The following NHEJ1 variants were observed in gnomAD, a reference collection of about 807,000 sequenced individuals.
NHEJ1 encodes non-homologous end joining factor 1.
In NHEJ1, 22 loss-of-function variants were observed where a neutral mutation model predicts 39.4. The ratio of observed to expected loss-of-function variants is 0.56; its 90% confidence interval spans 0.40 to 0.80. The LOEUF (loss-of-function observed/expected upper bound fraction) is 0.80. NHEJ1 is among the 30% of genes least tolerant of loss of function. The probability of loss-of-function intolerance (pLI) is 0.00; values close to 1 mark genes in which losing one functional copy is unlikely to be tolerated. For missense variants in NHEJ1, 329 were observed against 357.1 expected (o/e 0.92, Z 0.63); for synonymous variants, 154 against 135.6 (o/e 1.14, Z -0.94).
At chr2:219,080,518 C>T (rs1949052473) in intron 5 of NHEJ1, among the ~76,000 whole-genome samples, 1 of 147,488 alleles carries the variant, frequency 6.8e-6, no homozygotes, top group Non-Finnish European at 1.5e-5. Flanking sequence ...GAGCAAGACT[C>T]TGTCTTAAAA....
intron 5 of NHEJ1, among the ~76,000 whole-genome samples, chr2:219,082,875 C>T (rs906168903): frequency 6.6e-6 from 1 of 152,214 alleles, no homozygotes. Flanking sequence ...GAGCCCAGGT[C>T]TCCATTCAAA....
chr2:219,143,499 G>T (rs1327213446), intron 5 of NHEJ1, among the ~76,000 whole-genome samples: 1 of 152,164 alleles, frequency 6.6e-6, no homozygotes, highest in East Asian at 1.9e-4. Flanking sequence ...TAGACTATGT[G>T]TCAAGAAATG....
At chr2:219,103,225 T>C (rs890884911) in intron 5 of NHEJ1, among the ~76,000 whole-genome samples, 6 of 151,718 alleles carry the variant, frequency 4.0e-5, no homozygotes, top group Non-Finnish European at 7.4e-5. Flanking sequence ...TGCATAAACA[T>C]TGAACCAAGA....
At chr2:219,146,127 G>A (rs1218615990) in intron 5 of NHEJ1, among the ~76,000 whole-genome samples, 1 of 152,080 alleles carries the variant, frequency 6.6e-6, no homozygotes, top group East Asian at 1.9e-4. Context: ...ATCCTTAGAA[G>A]GGAAACCTAG....
intron 5 of NHEJ1, among the ~76,000 whole-genome samples, chr2:219,115,930 G>A (rs781651708): frequency 1.8e-4 from 27 of 152,144 alleles, no homozygotes; most frequent in Admixed American, 1.2e-3. Flanking sequence ...GACCATGCTG[G>A]CCAACATGGT....
chr2:219,135,219 G>T (rs532405506), intron 5 of NHEJ1, among the ~76,000 whole-genome samples: 1 of 152,304 alleles, frequency 6.6e-6, no homozygotes, highest in Admixed American at 6.5e-5. Flanking sequence ...AGGGGAAAGA[G>T]GAGGGAGACT....
intron 5 of NHEJ1, among the ~76,000 whole-genome samples, chr2:219,118,006 C>G (rs1221687058): frequency 1.3e-5 from 2 of 152,154 alleles, no homozygotes; most frequent in Non-Finnish European, 2.9e-5. Context: ...AATAGGTTTC[C>G]CCTTTATTCT....
At chr2:219,148,808 ATTG>A (rs776582866) in intron 3 of NHEJ1, among the ~76,000 whole-genome samples, 17 of 152,040 alleles carry the variant, frequency 1.1e-4, no homozygotes, top group Non-Finnish European at 2.2e-4. Context: ...GTCTAAGGTT[ATTG>A]TTATAATAGA....
At chr2:219,153,215 G>C (rs890330839) in intron 3 of NHEJ1, among the ~76,000 whole-genome samples, 1 of 152,078 alleles carries the variant, frequency 6.6e-6, no homozygotes, top group African/African-American at 2.4e-5. Flanking sequence ...TAATCCTTAC[G>C]ACTAGACAGT....
chr2:219,132,508 G>C (rs759761665), intron 5 of NHEJ1, among the ~76,000 whole-genome samples: 2 of 152,150 alleles, frequency 1.3e-5, no homozygotes, highest in Non-Finnish European at 2.9e-5. Context: ...AATTAGAAGG[G>C]GTTCTCTGGA....
At chr2:219,139,128 C>G (rs956003213) in intron 5 of NHEJ1, among the ~76,000 whole-genome samples, 3 of 151,986 alleles carry the variant, frequency 2.0e-5, no homozygotes, top group East Asian at 3.9e-4. Flanking sequence ...CATTCTGTTG[C>G]CCAGGCTGGA....
At chr2:219,077,119 C>T in intron 7 of NHEJ1, 127 bp downstream of exon 7, 1 of 750,498 alleles carries the variant, frequency 1.3e-6, no homozygotes, top group Non-Finnish European at 2.4e-6. Context: ...AATTTGGAGC[C>T]TGGTCACAAA....
At chr2:219,154,779 T>A (rs1949834206) in intron 3 of NHEJ1, among the ~76,000 whole-genome samples, 1 of 151,242 alleles carries the variant, frequency 6.6e-6, no homozygotes, top group South Asian at 2.1e-4. Flanking sequence ...CACTGTTGTC[T>A]CTTTCCTTTA....
intron 5 of NHEJ1, among the ~76,000 whole-genome samples, chr2:219,120,023 G>T (rs184433195): frequency 2.2e-4 from 34 of 152,050 alleles, no homozygotes; most frequent in African/African-American, 7.5e-4. Flanking sequence ...ACAGAAATTC[G>T]AATTTAGCAC....
At position 219,110,255 on chromosome 2, in the gene NHEJ1, C is replaced by T. The variant is rs548387309; in HGVS notation, c.589-32049G>A. Among the ~76,000 whole-genome samples the T allele has an allele frequency of 3.3e-5, 5 of 152,136 alleles. No homozygotes were observed. In the South Asian group the frequency reaches 8.3e-4, roughly 25 times the overall value. ...AGAATCTAAGGGGTGCCCACTGCAC[C>T]CTGTAATCCCAGCACTTTGGGATGC... On this transcript the variant is annotated intron_variant, in intron 5 of 7. Transcript: ENST00000356853.
rs144115301 is a variant in NHEJ1, at chr2:219,097,767, T to C, written c.589-19561A>G. Among the ~76,000 whole-genome samples the C allele has an allele frequency of 2.6e-5, 4 of 152,212 alleles. No homozygotes were observed. The East Asian group carries it at 5.8e-4, about 22-fold the overall frequency. ...CTTCCAGGTGGAAATGTTGAACAAG[T>C]AGTTGAATATACAAGTCTGGGGTTT... On this transcript the variant is annotated intron_variant, in intron 5 of 7. Coordinates refer to ENST00000356853, the MANE Select transcript of NHEJ1 (RefSeq NM_024782.3).
At chr2:219,110,326 T>C (rs13410377) in intron 5 of NHEJ1, among the ~76,000 whole-genome samples, 19,595 of 151,972 alleles carry the variant, frequency 0.13, 1,464 homozygotes, top group African/African-American at 0.21. Context: ...AACCAGCCTG[T>C]GTAACATGGA....
rs532127301 is a variant in NHEJ1 at position 219,156,725 on chromosome 2, G to A, written c.390+747C>T. 9.8e-5 allele frequency among the ~76,000 whole-genome samples: 15 copies of A among 152,346 alleles called. 1 individual carries two copies. The highest frequency in any genetic ancestry group is 3.1e-4 in the African/African-American group (13 of 41,576). On this transcript the variant is annotated intron_variant, in intron 3 of 7. Coordinates refer to ENST00000356853, the MANE Select transcript of NHEJ1 (RefSeq NM_024782.3). ...GGATAACAGTACTTATCCTGAAGGA[G>A]AGTTGTGAGGATTAAATGATGAGAT...
rs143433063 is a variant in NHEJ1, at chr2:219,098,599, A to C, written c.589-20393T>G. 4.4e-3 allele frequency among the ~76,000 whole-genome samples: 677 copies of C among 152,278 alleles called. 8 individuals are homozygous for C. The highest frequency in any genetic ancestry group is 7.0e-3 in the South Asian group (34 of 4,832). ...TGACTGATTCTTCTTTTTTAGGGAA[A>C]TTTAACTGCCTGGCAGCATTAAGGC... On this transcript the variant is annotated intron_variant, in intron 5 of 7. Coordinates refer to ENST00000356853, the MANE Select transcript of NHEJ1 (RefSeq NM_024782.3).
Sources: allele counts gnomAD v4.1 joint callset (sites outside exome capture counted in the v4.1 genomes callset), GRCh38; gene constraint gnomAD v4.1.1; transcripts MANE v1.5; gene names NCBI Gene and HGNC (gene_info 2026-07-23, HGNC 2026-07-21).